DMRT1: variants seen among roughly 807,000 people sequenced by gnomAD.
DMRT1 encodes the protein doublesex- and mab-3-related transcription factor 1.
In DMRT1, 7 loss-of-function variants were observed where a neutral mutation model predicts 32.3. That is an observed-to-expected ratio of 0.22 (90% CI 0.12 to 0.41). DMRT1 has a LOEUF of 0.41. Ranked by LOEUF, DMRT1 falls within the 10% of genes least tolerant of loss-of-function variation. The pLI is 1.00. For missense variants in DMRT1, 625 were observed against 500.5 expected (o/e 1.25, Z -2.37); for synonymous variants, 278 against 206.1 (o/e 1.35, Z -2.99).
Position 896,176 on chromosome 9 carries a change from G to A in DMRT1, c.822+1981G>A, listed in dbSNP as rs1056405697. ...CTCAATGAATTTTATTTCCCTTGTT[G>A]TATATAAATGCTTTGATTGACCAGT... On this transcript the variant is annotated intron_variant, in intron 3 of 4. Transcript: ENST00000382276. Among the ~76,000 whole-genome samples the A allele has an allele frequency of 2.0e-5, 3 of 149,634 alleles. No individual in the cohort carries two copies. The South Asian group carries it at 6.3e-4, about 32-fold the overall frequency.
At chr9:869,396 C>G (rs1816133876) in intron 2 of DMRT1, among the ~76,000 whole-genome samples, 1 of 152,196 alleles carries the variant, frequency 6.6e-6, no homozygotes, top group African/African-American at 2.4e-5. Flanking sequence ...GCCAGTTCTC[C>G]TAGCTGTTCT....
chr9:923,896 A>T (rs1046965534), intron 4 of DMRT1, among the ~76,000 whole-genome samples: 9 of 152,170 alleles, frequency 5.9e-5, no homozygotes, highest in African/African-American at 2.2e-4. Context: ...CTTTGTAGGT[A>T]AATCTGTTTT....
At chr9:902,979 G>A (rs1817646832) in intron 3 of DMRT1, among the ~76,000 whole-genome samples, 1 of 152,150 alleles carries the variant, frequency 6.6e-6, no homozygotes, top group Admixed American at 6.6e-5. Flanking sequence ...CCAAAGTCAT[G>A]ATAGACCCTA....
At chr9:913,314 C>T (rs561080446) in intron 3 of DMRT1, among the ~76,000 whole-genome samples, 9 of 152,226 alleles carry the variant, frequency 5.9e-5, no homozygotes, top group East Asian at 5.8e-4. Flanking sequence ...ATTTATATTA[C>T]GGCTTATGTC....
chr9:887,377 T>A (rs1816972437), intron 2 of DMRT1, among the ~76,000 whole-genome samples: 1 of 152,170 alleles, frequency 6.6e-6, no homozygotes, highest in Admixed American at 6.5e-5. Flanking sequence ...TTCTCTTAGG[T>A]CTGTTTTTTG....
In DMRT1 at chr9:841,765, G is replaced by A. The variant is rs1838688749; in HGVS notation, c.-74G>A. ...CTCCTCCTCCGGAGCGTCGCTGTCC[G>A]TCGGGTTCATCCCTCGCAGCAGTCT... On this transcript the variant is annotated 5_prime_UTR_variant, in exon 1 of 5. Coordinates refer to ENST00000382276, the MANE Select transcript of DMRT1 (RefSeq NM_021951.3). The A allele has an allele frequency of 6.4e-7, 1 of 1,553,064 alleles. No individual in the cohort carries two copies.
chr9:851,579 T>G, intron 2 of DMRT1, among the ~76,000 whole-genome samples: 1 of 152,132 alleles, frequency 6.6e-6, no homozygotes, highest in East Asian at 1.9e-4. Flanking sequence ...AGTTATCTCC[T>G]TTTGGCTCCC....
intron 4 of DMRT1, among the ~76,000 whole-genome samples, chr9:935,314 G>T (rs928422856): frequency 2.6e-5 from 4 of 152,182 alleles, no homozygotes; most frequent in Non-Finnish European, 4.4e-5. Context: ...TGGCAAACGA[G>T]GGGGGCAGAT....
chr9:868,816 C>G (rs1816104925), intron 2 of DMRT1, among the ~76,000 whole-genome samples: 1 of 152,092 alleles, frequency 6.6e-6, no homozygotes, highest in Non-Finnish European at 1.5e-5. Flanking sequence ...TTGAGATCAG[C>G]CTGGGCAACA....
chr9:901,713 G>C (rs1007476493), intron 3 of DMRT1, among the ~76,000 whole-genome samples: 9 of 151,744 alleles, frequency 5.9e-5, no homozygotes, highest in Admixed American at 2.6e-4. Flanking sequence ...TTCCCAGGAT[G>C]ATGTGCTCTG....
intron 2 of DMRT1, among the ~76,000 whole-genome samples, chr9:875,416 A>G (rs1816455112): frequency 6.6e-6 from 1 of 152,164 alleles, no homozygotes; most frequent in Non-Finnish European, 1.5e-5. Flanking sequence ...CCCTCCCCAC[A>G]GAGATTTTCC....
intron 4 of DMRT1, among the ~76,000 whole-genome samples, chr9:938,719 A>C (rs367760227): frequency 6.6e-5 from 10 of 152,200 alleles, no homozygotes; most frequent in Middle Eastern, 3.4e-3. Context: ...CTTTCTTTCC[A>C]ATTTGGGTGC....
chr9:889,571 G>C (rs1353004236), intron 2 of DMRT1, among the ~76,000 whole-genome samples: 1 of 152,148 alleles, frequency 6.6e-6, no homozygotes, highest in South Asian at 2.1e-4. Context: ...TTTAGTTGAG[G>C]TTTACTATGC....
At chr9:960,712 A>G (rs1004617699) in intron 4 of DMRT1, among the ~76,000 whole-genome samples, 1 of 152,228 alleles carries the variant, frequency 6.6e-6, no homozygotes, top group Non-Finnish European at 1.5e-5. Context: ...GGTACTCCTA[A>G]GTGAGAGGAG....
At chr9:877,874 G>C (rs888559043) in intron 2 of DMRT1, among the ~76,000 whole-genome samples, 1 of 152,156 alleles carries the variant, frequency 6.6e-6, no homozygotes, top group Non-Finnish European at 1.5e-5. Context: ...ACCTGGAAGA[G>C]ATCTGAAATA....
chr9:862,064 G>A (rs550402527), intron 2 of DMRT1, among the ~76,000 whole-genome samples: 1 of 151,338 alleles, frequency 6.6e-6, no homozygotes. Flanking sequence ...ACGATGGGCG[G>A]CCAGGCAGAG....
chr9:945,370 G>T (rs369773014), intron 4 of DMRT1, among the ~76,000 whole-genome samples: 303 of 152,228 alleles, frequency 2.0e-3, no homozygotes, highest in African/African-American at 6.8e-3. Flanking sequence ...TGGCCAGGCC[G>T]GTCTTGAACT....
At chr9:908,462 T>TG (rs1468836803) in intron 3 of DMRT1, among the ~76,000 whole-genome samples, 3 of 53,902 alleles carry the variant, frequency 5.6e-5, no homozygotes, top group Non-Finnish European at 1.8e-4. Context: ...TCTCTAAAAA[T>TG]GTTTTTTTAA....
At chr9:902,491 A>ATTT (rs58603191) in intron 3 of DMRT1, among the ~76,000 whole-genome samples, 1 of 135,540 alleles carries the variant, frequency 7.4e-6, no homozygotes, top group Non-Finnish European at 1.6e-5. Context: ...CTCCCACCAC[A>ATTT]TTTTTTTTTT....
Sources: gnomAD v4.1 joint callset for allele counts (sites outside exome capture counted in the v4.1 genomes callset) on GRCh38, gnomAD v4.1.1 for gene constraint, MANE v1.5 for transcripts, NCBI Gene and HGNC (gene_info 2026-07-23, HGNC 2026-07-21) for gene names.